CATSPERB: variants seen among roughly 807,000 people sequenced by gnomAD.
CATSPERB encodes the protein cation channel sperm-associated auxiliary subunit beta.
In CATSPERB, 93 loss-of-function variants were observed where a neutral mutation model predicts 128.3. The observed-to-expected ratio is 0.72, with a 90% CI of 0.61 to 0.86. CATSPERB has a LOEUF of 0.86. Ranked by LOEUF, CATSPERB falls within the 40% of genes least tolerant of loss-of-function variation. CATSPERB has a pLI of 0.00. For synonymous variants in CATSPERB, 381 were observed against 448.8 expected, an observed-to-expected ratio of 0.85 and a Z score of 1.91; for missense variants, 1,153 against 1,329.5, an observed-to-expected ratio of 0.87 and a Z score of 2.06.
chr14:91,713,532 T>C (rs539420351), intron 5 of CATSPERB, among the ~76,000 whole-genome samples: 1 of 152,272 alleles, frequency 6.6e-6, no homozygotes, highest in Non-Finnish European at 1.5e-5. Context: ...AAGAAGGGAA[T>C]ATCACAAACA....
chr14:91,723,491 A>G (rs1315412441), intron 3 of CATSPERB, among the ~76,000 whole-genome samples: 3 of 152,304 alleles, frequency 2.0e-5, no homozygotes, highest in East Asian at 3.9e-4. Flanking sequence ...TTTTGTGTCT[A>G]AATAAAAAAG....
At chr14:91,603,302 T>C (rs1302123237) in intron 22 of CATSPERB, 1 of 1,488,992 alleles carries the variant, frequency 6.7e-7, no homozygotes, top group African/African-American at 1.4e-5. Context: ...GTGGCACTGG[T>C]TTATAATCTG....
At chr14:91,704,973 A>C (rs1298254849) in intron 6 of CATSPERB, among the ~76,000 whole-genome samples, 4 of 152,210 alleles carry the variant, frequency 2.6e-5, no homozygotes, top group African/African-American at 9.6e-5. Flanking sequence ...CACATTTGAA[A>C]AATACCATTT....
intron 15 of CATSPERB, among the ~76,000 whole-genome samples, chr14:91,649,217 T>C (rs2139813401): frequency 6.6e-6 from 1 of 152,286 alleles, no homozygotes; most frequent in Admixed American, 6.5e-5. Context: ...GGTTATTCTA[T>C]TTTATGCTTT....
At chr14:91,591,654 A>T (rs1893405579) in intron 23 of CATSPERB, among the ~76,000 whole-genome samples, 1 of 151,982 alleles carries the variant, frequency 6.6e-6, no homozygotes, top group Non-Finnish European at 1.5e-5. Flanking sequence ...GTCTTTATAC[A>T]AATGCTGTGG....
intron 22 of CATSPERB, chr14:91,592,517 T>C (rs1893427783): frequency 6.4e-6 from 1 of 155,620 alleles, no homozygotes; most frequent in Non-Finnish European, 1.4e-5. Flanking sequence ...TTATTATTAT[T>C]ATTTTTAGAG....
chr14:91,625,629 A>G (rs1880270867), intron 17 of CATSPERB, among the ~76,000 whole-genome samples: 1 of 152,208 alleles, frequency 6.6e-6, no homozygotes, highest in African/African-American at 2.4e-5. Flanking sequence ...TAAAATGCAT[A>G]TAAAAAGGAC....
chr14:91,659,976 C>T lies in CATSPERB; in HGVS notation c.1293G>A (p.Trp431Ter). ...AGGTGTTGCCGCCATCAACTGAAAG[C>T]CATATCTAAAGGAATAAAGAGATAA... is the stretch of plus-strand genomic sequence containing the variant. ...HFLYAYGNQI[W>*]LSVDGGNTFQ... Residue 431 changes from tryptophan (W) to a stop codon, truncating the protein, a stop_gained, in exon 15 of 27, where the codon TGG becomes TGA. Transcript: ENST00000256343. LOFTEE classifies it high-confidence loss of function. 1 of 1,579,268 alleles carries T rather than the reference C, an allele frequency of 6.3e-7. No homozygotes were observed. Among genetic ancestry groups the T allele is most frequent in the Non-Finnish European group, 8.6e-7 (1 of 1,169,192 alleles).
chr14:91,592,493 G>C (rs1566695721), intron 22 of CATSPERB: 1 of 155,988 alleles, frequency 6.4e-6, no homozygotes, highest in Non-Finnish European at 1.4e-5. Flanking sequence ...GATCTCTCTT[G>C]CCATTCATTT....
intron 26 of CATSPERB, among the ~76,000 whole-genome samples, chr14:91,586,571 A>AGAGAAAGAGAGAG (rs374162982): frequency 0.2 from 22,415 of 113,360 alleles, 2,789 homozygotes; most frequent in East Asian, 0.33. Context: ...GAGAGAGAGA[A>AGAGAAAGAGAGAG]AGAGAGAGAG....
intron 14 of CATSPERB, among the ~76,000 whole-genome samples, chr14:91,667,396 A>C (rs1895005344): frequency 6.6e-6 from 1 of 152,238 alleles, no homozygotes; most frequent in Admixed American, 6.5e-5. Context: ...ACAGAAAGTC[A>C]GATAGAAAGA....
intron 20 of CATSPERB, 130 bp from the exon 21 acceptor site, chr14:91,610,807 C>G (rs1193401354): frequency 1.2e-6 from 1 of 819,976 alleles, no homozygotes; most frequent in African/African-American, 1.7e-5. Flanking sequence ...GGAGATAGGG[C>G]CTTTAAGGAG....
chr14:91,723,050 A>G lies in CATSPERB; in HGVS notation c.308T>C (p.Leu103Ser), dbSNP rs2139780378. Residue 103 changes from leucine to serine, a missense_variant and splice_region_variant, in exon 4 of 27, where the codon TTG becomes TCG. Physicochemically the swap from Leu to Ser is moderately radical, Grantham distance 145. Transcript: ENST00000256343. The part of the protein sequence containing the change: ...YNGIFHFNLT[L>S]FSDRILWLVD... ...CAGAGTAAGATAAAATGTAATTACC[A>G]ACGTTAAATTAAAGTGGAAGATGCC... is the stretch of plus-strand genomic sequence containing the variant. The G allele has an allele frequency of 2.0e-6, 3 of 1,503,912 alleles. No individual in the cohort carries two copies. In the East Asian group the frequency reaches 7.4e-5, roughly 37 times the overall value. The allele number at this position is 1,503,912 out of a possible 1,614,324, so 93.2% of individuals were successfully genotyped here.
intron 9 of CATSPERB, among the ~76,000 whole-genome samples, chr14:91,692,175 CAA>C (rs748422210): frequency 1.1e-4 from 6 of 55,506 alleles, no homozygotes; most frequent in African/African-American, 1.4e-4. Context: ...GACTCAGTCT[CAA>C]AAAAAAAAAA....
chr14:91,677,064 A>G (rs1407638038), intron 11 of CATSPERB, among the ~76,000 whole-genome samples: 1 of 152,214 alleles, frequency 6.6e-6, no homozygotes, highest in African/African-American at 2.4e-5. Context: ...CCTTATAGAA[A>G]AATTAATTCA....
chr14:91,580,903 TTGATCTATGAATCAGCTCAC>T lies in CATSPERB; in HGVS notation c.3317_3336del (p.Ser1106LysfsTer3). ...TCACCATGTGTTCACTCTTCAGACTTTGATCTATGAATCAGCTCACTGAGAGAGATACTTGAAAACTTCTC... is the reference window on the plus strand; with the variant it reads ...TCACCATGTGTTCACTCTTCAGACTTTGAGAGAGATACTTGAAAACTTCTC... On this transcript the variant is annotated frameshift_variant, in exon 27 of 27. Coordinates refer to ENST00000256343, the MANE Select transcript of CATSPERB (RefSeq NM_024764.4). LOFTEE classifies it high-confidence loss of function. The T allele has an allele frequency of 6.2e-7, 1 of 1,614,020 alleles. No individual in the cohort carries two copies. Among genetic ancestry groups the T allele is most frequent in the Non-Finnish European group, 8.5e-7 (1 of 1,179,850 alleles).
rs376452721 is a variant in CATSPERB, at chr14:91,592,890, G to A, written c.2710-888C>T. On this transcript the variant is annotated intron_variant, in intron 22 of 26. Transcript: ENST00000256343. ...CCATCAAAGGCCCAGAGGCCCAGGA[G>A]GAAAAAGTGGTTTTGTTGGCCGGGC... 1.6e-4 allele frequency among the ~76,000 whole-genome samples: 25 copies of A among 152,306 alleles called. No homozygotes were observed. The East Asian group carries it at 4.4e-3, about 27-fold the overall frequency.
At chr14:91,693,035 T>C (rs1895497129) in intron 9 of CATSPERB, 91 bp downstream of exon 9, 2 of 911,040 alleles carry the variant, frequency 2.2e-6, no homozygotes, top group Admixed American at 2.3e-5. Context: ...AATTTTAAGA[T>C]ACACCACACA....
intron 10 of CATSPERB, among the ~76,000 whole-genome samples, chr14:91,689,672 C>T (rs1895433641): frequency 1.3e-5 from 2 of 151,996 alleles, no homozygotes; most frequent in African/African-American, 4.8e-5. Flanking sequence ...CTCTCCTCTC[C>T]TTTCTTCCTT....
Sources: allele counts gnomAD v4.1 joint callset (sites outside exome capture counted in the v4.1 genomes callset), GRCh38; gene constraint gnomAD v4.1.1; transcripts MANE v1.5; gene names NCBI Gene and HGNC (gene_info 2026-07-23, HGNC 2026-07-21).